ARHGAP22: variants seen among roughly 807,000 people sequenced by gnomAD.
ARHGAP22 encodes the protein Rho GTPase activating protein 22.
In ARHGAP22, 48 loss-of-function variants were observed where a neutral mutation model predicts 59.1. The observed-to-expected ratio is 0.81, with a 90% CI of 0.64 to 1.03. The LOEUF is 1.03. ARHGAP22 is among the 50% of genes least tolerant of loss of function. The probability of loss-of-function intolerance (pLI) is 0.00; values close to 1 mark genes in which losing one functional copy is unlikely to be tolerated. For missense variants in ARHGAP22, 1,015 were observed against 958.7 expected, an observed-to-expected ratio of 1.06 and a Z score of -0.78; for synonymous variants, 445 against 416.4, an observed-to-expected ratio of 1.07 and a Z score of -0.84.
Position 48,583,062 on chromosome 10 carries a change from C to T in ARHGAP22, c.125G>A (p.Gly42Asp), listed in dbSNP as rs575901270. 591 of 1,614,298 alleles carry T rather than the reference C, an allele frequency of 3.7e-4. 7 individuals are homozygous for T. The South Asian group carries it at 6.1e-3, about 17-fold the overall frequency. The change falls in exon 2 of 10, where the codon GGC (glycine) becomes GAC (aspartate). Residue 42 changes from glycine to aspartate, a missense_variant. Gly to Asp is a moderately conservative substitution (Grantham distance 94, BLOSUM62 -1). Transcript: ENST00000249601. ...PHRLGPVLKA[G>D]WLKKQRSIMK... ...GATGCTCCTCTGCTTCTTCAGCCAG[C>T]CCGCCTTCAGCACGGGGCCCAGCCT...
intron 4 of ARHGAP22, among the ~76,000 whole-genome samples, chr10:48,465,595 C>G (rs893247432): frequency 6.6e-6 from 1 of 152,208 alleles, no homozygotes; most frequent in South Asian, 2.1e-4. Flanking sequence ...AGTCCCACCC[C>G]GAAGGCCGCA....
intron 1 of ARHGAP22, among the ~76,000 whole-genome samples, chr10:48,587,317 C>T (rs372923860): frequency 6.6e-5 from 10 of 152,358 alleles, no homozygotes; most frequent in African/African-American, 2.4e-4. Context: ...GTTATCAGGA[C>T]CCCTGGGCTC....
At chr10:48,647,945 C>T (rs891247381) in intron 1 of ARHGAP22, among the ~76,000 whole-genome samples, 4 of 152,180 alleles carry the variant, frequency 2.6e-5, no homozygotes, top group Non-Finnish European at 4.4e-5. Context: ...CAAAACACTA[C>T]ACAGTTTATG....
At chr10:48,548,917 G>C (rs2056680789) in intron 3 of ARHGAP22, among the ~76,000 whole-genome samples, 1 of 152,204 alleles carries the variant, frequency 6.6e-6, no homozygotes, top group South Asian at 2.1e-4. Context: ...CAGGGCTCTG[G>C]GGTTAGAGCT....
chr10:48,436,824 G>A, the ARHGAP22 span: 2 of 152,138 alleles, frequency 1.3e-5, no homozygotes, highest in African/African-American at 4.8e-5. Context: ...ATACAACAAG[G>A]TGCATTAATT....
chr10:48,605,122 T>G, upstream of ARHGAP22: 2 of 1,183,438 alleles, frequency 1.7e-6, no homozygotes, highest in Non-Finnish European at 1.1e-6. Flanking sequence ...CACGCGTGGC[T>G]GTCCAAGCTG....
chr10:48,503,952 C>A (rs1428285089), intron 3 of ARHGAP22, among the ~76,000 whole-genome samples: 2 of 152,204 alleles, frequency 1.3e-5, no homozygotes, highest in African/African-American at 4.8e-5. Context: ...GAACGTTTTC[C>A]CCCAACTAAC....
chr10:48,533,420 G>C (rs1156357084), intron 3 of ARHGAP22, among the ~76,000 whole-genome samples: 1 of 152,110 alleles, frequency 6.6e-6, no homozygotes, highest in East Asian at 1.9e-4. Context: ...GGTCCTAACA[G>C]TCTTCATATT....
intron 7 of ARHGAP22, 126 bp downstream of exon 7, chr10:48,453,962 G>T: frequency 1.0e-6 from 1 of 974,130 alleles, no homozygotes; most frequent in Non-Finnish European, 1.6e-6. Flanking sequence ...CTGGGTTGAG[G>T]CTGTGCAGGG....
intron 2 of ARHGAP22, among the ~76,000 whole-genome samples, chr10:48,561,804 A>G (rs1044363024): frequency 6.6e-6 from 1 of 152,252 alleles, no homozygotes; most frequent in African/African-American, 2.4e-5. Context: ...CATATCTATT[A>G]GATAAAGTAA....
At chr10:48,434,847 C>G in the ARHGAP22 span, 1 of 1,574,584 alleles carries the variant, frequency 6.4e-7, no homozygotes, top group African/African-American at 1.4e-5. Flanking sequence ...CTGCAGCTGT[C>G]TGCAACTGAT....
At chr10:48,465,652 C>T (rs1178332671) in intron 4 of ARHGAP22, among the ~76,000 whole-genome samples, 1 of 152,240 alleles carries the variant, frequency 6.6e-6, no homozygotes, top group Non-Finnish European at 1.5e-5. Context: ...GATCCCGGAG[C>T]AGAGTGCAGC....
chr10:48,493,740 G>T, intron 3 of ARHGAP22: 1 of 1,112,578 alleles, frequency 9.0e-7, no homozygotes, highest in Non-Finnish European at 1.2e-6. Context: ...ATCCCCGCCA[G>T]TGGGAGGTCG....
At chr10:48,625,001 G>A (rs2061400763) in intron 1 of ARHGAP22, 1 of 152,236 alleles carries the variant, frequency 6.6e-6, no homozygotes, top group East Asian at 1.9e-4. Flanking sequence ...TTTTTAGAAA[G>A]AGTCACTCCA....
chr10:48,610,308 T>G (rs2060833697), intron 1 of ARHGAP22, among the ~76,000 whole-genome samples: 1 of 152,160 alleles, frequency 6.6e-6, no homozygotes, highest in Non-Finnish European at 1.5e-5. Flanking sequence ...AATTAGGCAC[T>G]AGGAAACCAC....
upstream of ARHGAP22, among the ~76,000 whole-genome samples, chr10:48,609,230 A>C (rs918224239): frequency 1.3e-5 from 2 of 152,170 alleles, no homozygotes; most frequent in Non-Finnish European, 2.9e-5. Context: ...AGAGGATGCC[A>C]GCTCTCCACC....
At chr10:48,593,423 C>T (rs559689871) in intron 1 of ARHGAP22, among the ~76,000 whole-genome samples, 1 of 152,336 alleles carries the variant, frequency 6.6e-6, no homozygotes, top group African/African-American at 2.4e-5. Flanking sequence ...GCAGGTAGTA[C>T]TGAACCCTGT....
chr10:48,483,673 A>C (rs2049565822), intron 3 of ARHGAP22, among the ~76,000 whole-genome samples: 1 of 151,704 alleles, frequency 6.6e-6, no homozygotes, highest in Non-Finnish European at 1.5e-5. Flanking sequence ...ATACCTCTTC[A>C]CCATTTGTAT....
Position 48,450,806 on chromosome 10 carries a change from G to A in ARHGAP22, c.1323C>T (p.Ser441=), listed in dbSNP as rs2045856474. 3.2e-6 allele frequency: 5 copies of A among 1,578,768 alleles called. No individual in the cohort carries two copies. Among genetic ancestry groups the A allele is most frequent in the Non-Finnish European group, 4.3e-6 (5 of 1,163,018 alleles). ...SFRQPRSLSG[S]PKGGGSSLEV... ...CCAGGGATGAGCCGCCCCCCTTCGG[G>A]CTTCCCGATAGGGACCTCGGCTGCC... Residue 441 remains serine (S), a synonymous_variant, in exon 9 of 10, where the codon AGC becomes AGT. Coordinates refer to ENST00000249601, the MANE Select transcript of ARHGAP22 (RefSeq NM_021226.4).
Sources: allele counts gnomAD v4.1 joint callset (sites outside exome capture counted in the v4.1 genomes callset), GRCh38; gene constraint gnomAD v4.1.1; transcripts MANE v1.5; gene names NCBI Gene and HGNC (gene_info 2026-07-23, HGNC 2026-07-21).